Variants in STXBP5 observed in about 807,000 individuals in gnomAD.
The protein encoded by STXBP5 is syntaxin-binding protein 5.
In STXBP5, 50 loss-of-function variants were observed where a neutral mutation model predicts 152.4. The ratio of observed to expected loss-of-function variants is 0.33; its 90% CI spans 0.26 to 0.42. The LOEUF (loss-of-function observed/expected upper bound fraction) is 0.42, where lower values mean the gene tolerates loss of function less well. Ranked by LOEUF, STXBP5 falls within the 10% of genes least tolerant of loss-of-function variation. STXBP5 has a pLI of 1.00. For missense variants in STXBP5, 1,167 were observed against 1,388.6 expected (o/e 0.84, Z 2.54); for synonymous variants, 492 against 494.7 (o/e 0.99, Z 0.07).
At chr6:147,260,518 C>A (rs1447013687) in intron 4 of STXBP5, 97 bp from the exon 5 acceptor site, 2 of 1,360,224 alleles carry the variant, frequency 1.5e-6, no homozygotes. Flanking sequence ...ACCAGTTTTG[C>A]TGTTCCTGAA....
intron 2 of STXBP5, among the ~76,000 whole-genome samples, chr6:147,224,283 G>A (rs1025176204): frequency 5.9e-5 from 9 of 152,092 alleles, no homozygotes; most frequent in Non-Finnish European, 1.0e-4. Context: ...GAAATTTGCC[G>A]GGCATGGTGG....
chr6:147,349,176 C>T (rs1200461712), intron 21 of STXBP5, among the ~76,000 whole-genome samples: 4 of 151,830 alleles, frequency 2.6e-5, no homozygotes, highest in Non-Finnish European at 5.9e-5. Context: ...AAAATACAAG[C>T]TTTAAAATAT....
At chr6:147,370,832 T>G (rs1041468753) in intron 25 of STXBP5, among the ~76,000 whole-genome samples, 1 of 152,058 alleles carries the variant, frequency 6.6e-6, no homozygotes, top group African/African-American at 2.4e-5. Context: ...CCTGGAGATA[T>G]TTATTTTTTC....
At chr6:147,342,487 A>G (rs1480554850) in intron 21 of STXBP5, among the ~76,000 whole-genome samples, 1 of 152,214 alleles carries the variant, frequency 6.6e-6, no homozygotes, top group Non-Finnish European at 1.5e-5. Flanking sequence ...ATATAATGTA[A>G]TTGCAGCATC....
intron 4 of STXBP5, among the ~76,000 whole-genome samples, chr6:147,253,241 T>G (rs1779187763): frequency 6.6e-6 from 1 of 152,122 alleles, no homozygotes; most frequent in Admixed American, 6.6e-5. Context: ...AGAGAAGGCC[T>G]TCAACAAAAT....
intron 9 of STXBP5, chr6:147,292,329 T>G: frequency 2.3e-6 from 1 of 432,492 alleles, no homozygotes; most frequent in East Asian, 7.6e-5. Flanking sequence ...AAGAGGTGTA[T>G]CATCTGTTTG....
At chr6:147,266,985 C>G in intron 6 of STXBP5, 99 bp from the exon 7 acceptor site, 2 of 967,216 alleles carry the variant, frequency 2.1e-6, no homozygotes, top group Non-Finnish European at 3.2e-6. Flanking sequence ...CATTTATACT[C>G]AACGCATTTG....
At chr6:147,209,468 T>G (rs1562409051) in intron 2 of STXBP5, among the ~76,000 whole-genome samples, 1 of 152,142 alleles carries the variant, frequency 6.6e-6, no homozygotes, top group Non-Finnish European at 1.5e-5. Flanking sequence ...GGTTCTTCGC[T>G]TTCCACTAAA....
chr6:147,246,767 A>C (rs55758181), intron 4 of STXBP5, among the ~76,000 whole-genome samples: 2,729 of 152,280 alleles, frequency 0.018, 70 homozygotes, highest in African/African-American at 0.061. Flanking sequence ...TCAAGACTTT[A>C]TAACTTAAAT....
intron 9 of STXBP5, among the ~76,000 whole-genome samples, chr6:147,297,163 T>C (rs1181789665): frequency 6.6e-6 from 1 of 152,160 alleles, no homozygotes; most frequent in African/African-American, 2.4e-5. Context: ...CAAGACATAT[T>C]ATAATCAAAC....
At chr6:147,327,654 G>A (rs1011351745) in intron 18 of STXBP5, among the ~76,000 whole-genome samples, 1 of 152,224 alleles carries the variant, frequency 6.6e-6, no homozygotes, top group East Asian at 1.9e-4. Context: ...TGTTGCCCAG[G>A]TTGGTGTCAA....
chr6:147,221,750 T>C (rs573423575), intron 2 of STXBP5, among the ~76,000 whole-genome samples: 11 of 152,062 alleles, frequency 7.2e-5, no homozygotes, highest in African/African-American at 2.6e-4. Flanking sequence ...CTTTCTTTTT[T>C]TTTTTAGCAT....
At chr6:147,278,305 G>A in intron 8 of STXBP5, 101 bp downstream of exon 8, 1 of 1,192,806 alleles carries the variant, frequency 8.4e-7, no homozygotes, top group East Asian at 2.7e-5. Context: ...TTTAGGATAA[G>A]GATGGGTTTC....
At position 147,262,119 on chromosome 6, in the gene STXBP5, C is replaced by T. The variant is rs577157608; in HGVS notation, c.567-171C>T. Among the ~76,000 whole-genome samples the T allele has an allele frequency of 4.6e-5, 7 of 151,924 alleles. No homozygotes were observed. The East Asian group carries it at 1.4e-3, about 29-fold the overall frequency. Reference sequence around the variant, plus strand: ...ATGAGTCACCACTTCTTCCCTGATCCCTATTTTGATCCATATTAAGAACTA... The same window carrying T: ...ATGAGTCACCACTTCTTCCCTGATCTCTATTTTGATCCATATTAAGAACTA... On this transcript the variant is annotated intron_variant, in intron 5 of 27. Transcript: ENST00000321680.
intron 21 of STXBP5, among the ~76,000 whole-genome samples, chr6:147,342,705 A>G (rs1784147682): frequency 6.6e-6 from 1 of 152,170 alleles, no homozygotes. Flanking sequence ...ATTTGAAAGT[A>G]TAGAGTTTCA....
intron 25 of STXBP5, among the ~76,000 whole-genome samples, chr6:147,365,740 A>T (rs1029772980): frequency 1.3e-5 from 2 of 152,176 alleles, no homozygotes; most frequent in African/African-American, 4.8e-5. Context: ...GCCTTGGTAA[A>T]ATCTGTTGAA....
At chr6:147,230,315 T>C (rs1280842332) in intron 2 of STXBP5, among the ~76,000 whole-genome samples, 2 of 151,930 alleles carry the variant, frequency 1.3e-5, no homozygotes, top group African/African-American at 4.8e-5. Flanking sequence ...AAATTACAAC[T>C]AGAATTAGAA....
intron 9 of STXBP5, among the ~76,000 whole-genome samples, chr6:147,305,261 TA>T (rs568410615): frequency 1.3e-5 from 2 of 152,028 alleles, no homozygotes; most frequent in South Asian, 2.1e-4. Flanking sequence ...TCAACAAATT[TA>T]AAAAAAAATT....
At chr6:147,293,046 A>G (rs1450989958) in intron 9 of STXBP5, 1 of 152,206 alleles carries the variant, frequency 6.6e-6, no homozygotes, top group South Asian at 2.1e-4. Flanking sequence ...ATGTTTATAT[A>G]CACAAATACT....
Sources: allele counts gnomAD v4.1 joint callset (sites outside exome capture counted in the v4.1 genomes callset), GRCh38; gene constraint gnomAD v4.1.1; transcripts MANE v1.5; gene names NCBI Gene and HGNC (gene_info 2026-07-23, HGNC 2026-07-21).